Variants in GNA12 observed in about 807,000 individuals in gnomAD.
GNA12 encodes guanine nucleotide-binding protein subunit alpha-12.
In GNA12, 9 loss-of-function variants were observed where a neutral mutation model predicts 26.0. That is an observed-to-expected ratio of 0.35 (90% CI 0.21 to 0.60). The LOEUF (loss-of-function observed/expected upper bound fraction) is 0.60. GNA12 is among the 20% of genes least tolerant of loss of function. GNA12 has a pLI of 0.78. For synonymous variants in GNA12, 264 were observed against 219.6 expected, an observed-to-expected ratio of 1.20 and a Z score of -1.79; for missense variants, 405 against 525.8, an observed-to-expected ratio of 0.77 and a Z score of 2.25.
chr7:2,820,656 G>A (rs1005615271), intron 1 of GNA12, among the ~76,000 whole-genome samples: 9 of 152,160 alleles, frequency 5.9e-5, no homozygotes, highest in Admixed American at 1.3e-4. Flanking sequence ...CTGCCCCACC[G>A]GCCAGTCACC....
intron 2 of GNA12, among the ~76,000 whole-genome samples, chr7:2,741,696 C>G (rs1212123149): frequency 2.0e-5 from 3 of 152,038 alleles, no homozygotes; most frequent in Non-Finnish European, 4.4e-5. Flanking sequence ...TCTTTCAATA[C>G]ACAGACTTTT....
chr7:2,801,052 C>T (rs572324343), intron 1 of GNA12, among the ~76,000 whole-genome samples: 6 of 152,246 alleles, frequency 3.9e-5, no homozygotes, highest in South Asian at 4.2e-4. Context: ...CAAAGGGTCT[C>T]GGTGCCTTTG....
rs965669774 is a variant in GNA12, at chr7:2,752,984, G to C, written c.526-19483C>G. Among the ~76,000 whole-genome samples, 5 of 152,220 alleles carry C rather than the reference G, an allele frequency of 3.3e-5. No homozygotes were observed. In the East Asian group the frequency reaches 9.6e-4, roughly 29 times the overall value. The stretch of plus-strand genomic sequence containing the variant: ...CTGTCCCACCACAACGGTCTCCCTC[G>C]TGCTACCAATTTATAATCACAGCCA... On this transcript the variant is annotated intron_variant, in intron 2 of 3. Transcript: ENST00000275364.
At chr7:2,767,901 C>A (rs1351194465) in intron 2 of GNA12, among the ~76,000 whole-genome samples, 1 of 152,232 alleles carries the variant, frequency 6.6e-6, no homozygotes, top group African/African-American at 2.4e-5. Context: ...GTCACCCGGG[C>A]TGGAGTGCAG....
At chr7:2,826,527 A>G (rs77895727) in intron 1 of GNA12, among the ~76,000 whole-genome samples, 3,839 of 152,330 alleles carry the variant, frequency 0.025, 169 homozygotes, top group African/African-American at 0.088. Flanking sequence ...GCCAAAACTT[A>G]GGAGTCACCA....
intron 2 of GNA12, among the ~76,000 whole-genome samples, chr7:2,749,835 A>T (rs1790941595): frequency 6.6e-6 from 1 of 152,158 alleles, no homozygotes; most frequent in Non-Finnish European, 1.5e-5. Flanking sequence ...CTGAAATTAG[A>T]TTAATAGAGA....
chr7:2,826,055 G>A (rs1002561936), intron 1 of GNA12, among the ~76,000 whole-genome samples: 5 of 152,004 alleles, frequency 3.3e-5, no homozygotes, highest in Admixed American at 2.6e-4. Context: ...TGCAAACTCC[G>A]GAAGACAGTT....
intron 2 of GNA12, among the ~76,000 whole-genome samples, chr7:2,753,424 C>G (rs1791133489): frequency 6.6e-6 from 1 of 151,882 alleles, no homozygotes; most frequent in Admixed American, 6.6e-5. Context: ...AGGTGTGAGC[C>G]CCTGCACCTG....
At chr7:2,843,468 G>A (rs1210531187) in intron 1 of GNA12, among the ~76,000 whole-genome samples, 6 of 152,022 alleles carry the variant, frequency 3.9e-5, no homozygotes, top group Non-Finnish European at 8.8e-5. Context: ...AACACAGCAA[G>A]ACCCCATCTC....
chr7:2,807,725 T>C (rs1370048900), intron 1 of GNA12, among the ~76,000 whole-genome samples: 3 of 152,140 alleles, frequency 2.0e-5, no homozygotes, highest in African/African-American at 7.2e-5. Context: ...ATTTAAGTAG[T>C]AAATTACTAC....
At chr7:2,815,701 C>A (rs1793203175) in intron 1 of GNA12, among the ~76,000 whole-genome samples, 1 of 152,150 alleles carries the variant, frequency 6.6e-6, no homozygotes, top group African/African-American at 2.4e-5. Context: ...CGTGGTGCTC[C>A]CTGGAGCCTG....
rs369762726 is a variant in GNA12 at position 2,785,682 on chromosome 7, G to A, written c.525+9246C>T. ...CACACATTTTTCTTCATGTGTAAGT[G>A]TATTGTGTATGTGCATACACACACA... On this transcript the variant is annotated intron_variant, in intron 2 of 3. Transcript: ENST00000275364. Among the ~76,000 whole-genome samples, 11 of 146,562 alleles carry A rather than the reference G, an allele frequency of 7.5e-5. No individual in the cohort carries two copies. In the East Asian group the frequency reaches 1.3e-3, roughly 18 times the overall value.
intron 2 of GNA12, among the ~76,000 whole-genome samples, chr7:2,778,047 G>A (rs1375243071): frequency 1.3e-5 from 2 of 152,056 alleles, no homozygotes; most frequent in South Asian, 2.1e-4. Flanking sequence ...GAATGTCTCC[G>A]AGGAAATGCT....
At position 2,794,917 on chromosome 7, in the gene GNA12, T is replaced by TA; in HGVS notation, c.525+10dup. 1 of 1,593,538 alleles carries TA rather than the reference T, an allele frequency of 6.3e-7. No homozygotes were observed. Among genetic ancestry groups the TA allele is most frequent in the Non-Finnish European group, 8.6e-7 (1 of 1,161,260 alleles). ...CTATCAGGTGCCCAGCAAGAAGGCC[T>TA]ACTCACTCACCAGCTGAAACTCGCT... is the stretch of plus-strand genomic sequence containing the variant. On this transcript the variant is annotated intron_variant, in intron 2 of 3. Coordinates refer to ENST00000275364, the MANE Select transcript of GNA12 (RefSeq NM_007353.3).
At chr7:2,776,797 C>T (rs545570392) in intron 2 of GNA12, among the ~76,000 whole-genome samples, 2 of 152,190 alleles carry the variant, frequency 1.3e-5, no homozygotes, top group South Asian at 2.1e-4. Context: ...TTAAACCTTA[C>T]GTCGGGGCCA....
At chr7:2,794,160 T>G (rs998144203) in intron 2 of GNA12, among the ~76,000 whole-genome samples, 8 of 152,148 alleles carry the variant, frequency 5.3e-5, no homozygotes, top group African/African-American at 1.7e-4. Context: ...CTGTCGTGTT[T>G]ACAAATAATA....
chr7:2,792,347 G>C (rs746435218), intron 2 of GNA12, among the ~76,000 whole-genome samples: 1 of 152,166 alleles, frequency 6.6e-6, no homozygotes, highest in African/African-American at 2.4e-5. Context: ...TAACTGGTAC[G>C]GGCTTACTTC....
intron 1 of GNA12, among the ~76,000 whole-genome samples, chr7:2,842,122 A>C (rs1245891651): frequency 6.8e-5 from 6 of 88,180 alleles, no homozygotes; most frequent in Non-Finnish European, 1.4e-4. Context: ...GAAGGGAGGA[A>C]GAAAAGAAAG....
chr7:2,827,249 T>C (rs1222636061), intron 1 of GNA12, among the ~76,000 whole-genome samples: 5 of 151,484 alleles, frequency 3.3e-5, no homozygotes, highest in African/African-American at 1.2e-4. Flanking sequence ...GAATGGGGAG[T>C]CACTACTAAC....
Sources: gnomAD v4.1 joint callset for allele counts (sites outside exome capture counted in the v4.1 genomes callset) on GRCh38, gnomAD v4.1.1 for gene constraint, MANE v1.5 for transcripts, NCBI Gene and HGNC (gene_info 2026-07-23, HGNC 2026-07-21) for gene names.